ZNF654: variants seen among roughly 807,000 people sequenced by gnomAD.
ZNF654 encodes zinc finger protein 654.
In ZNF654, 19 loss-of-function variants were observed where a neutral mutation model predicts 95.3. The observed-to-expected ratio is 0.20, with a 90% CI of 0.14 to 0.29. The LOEUF is 0.29. ZNF654 is among the 10% of genes least tolerant of loss of function. ZNF654 has a pLI of 1.00. For missense variants in ZNF654, 1,046 were observed against 1,341.0 expected (o/e 0.78, Z 3.44); for synonymous variants, 413 against 457.9 (o/e 0.90, Z 1.25).
intron 3 of ZNF654, among the ~76,000 whole-genome samples, chr3:88,115,253 C>G (rs1705320599): frequency 6.6e-6 from 1 of 152,138 alleles, no homozygotes; most frequent in South Asian, 2.1e-4. Flanking sequence ...CCAAGGTATT[C>G]TTTGTTGGAT....
chr3:88,081,510 T>G (rs1708075527), intron 1 of ZNF654, among the ~76,000 whole-genome samples: 1 of 152,210 alleles, frequency 6.6e-6, no homozygotes, highest in Non-Finnish European at 1.5e-5. Flanking sequence ...CTTCTTTCAC[T>G]GTAAGAAACA....
chr3:88,127,998 T>C (rs934607398), intron 4 of ZNF654, among the ~76,000 whole-genome samples: 5 of 152,198 alleles, frequency 3.3e-5, no homozygotes, highest in Non-Finnish European at 7.3e-5. Context: ...ACTGATTAAA[T>C]ATAAGTAATT....
At chr3:88,108,372 A>G (rs903882473) in intron 2 of ZNF654, among the ~76,000 whole-genome samples, 13 of 152,134 alleles carry the variant, frequency 8.5e-5, no homozygotes, top group African/African-American at 3.1e-4. Flanking sequence ...CATTAAAGGT[A>G]CCTAGTGACT....
chr3:88,113,075 C>A, intron 2 of ZNF654, 40 bp from the exon 3 acceptor site: 2 of 1,331,666 alleles, frequency 1.5e-6, no homozygotes, highest in Non-Finnish European at 2.1e-6. Context: ...TGGAGCAAAA[C>A]TCAAAGAAGC....
At chr3:88,102,172 T>C (rs1225077049) in intron 2 of ZNF654, among the ~76,000 whole-genome samples, 1 of 152,138 alleles carries the variant, frequency 6.6e-6, no homozygotes, top group Non-Finnish European at 1.5e-5. Flanking sequence ...GTGTTTTGTG[T>C]AGTTTTCTTC....
At chr3:88,131,859 A>G (rs1317328277) in intron 6 of ZNF654, among the ~76,000 whole-genome samples, 1 of 152,004 alleles carries the variant, frequency 6.6e-6, no homozygotes, top group East Asian at 1.9e-4. Flanking sequence ...TTCAGCCTCC[A>G]AAGTCTGTGC....
rs534704935 is a variant in ZNF654 at position 88,080,976 on chromosome 3, C to T, written c.187-5281C>T. On this transcript the variant is annotated intron_variant, in intron 1 of 8. Coordinates refer to ENST00000636215, the MANE Select transcript of ZNF654 (RefSeq NM_001350134.2). ...TCTTTTCCCATTCCAGGATGTTATC[C>T]GTGATCTCACGTTGTATTTAGTTGT... 1.3e-4 allele frequency among the ~76,000 whole-genome samples: 20 copies of T among 152,224 alleles called. No individual in the cohort carries two copies. The South Asian group carries it at 2.3e-3, about 17-fold the overall frequency.
intron 1 of ZNF654, among the ~76,000 whole-genome samples, chr3:88,071,593 G>T (rs1576201370): frequency 6.6e-6 from 1 of 151,854 alleles, no homozygotes; most frequent in African/African-American, 2.4e-5. Flanking sequence ...CTGAGATCGC[G>T]CCACTGCACT....
chr3:88,106,717 A>T (rs1704762831), intron 2 of ZNF654, among the ~76,000 whole-genome samples: 1 of 151,634 alleles, frequency 6.6e-6, no homozygotes, highest in South Asian at 2.1e-4. Flanking sequence ...GTAGATTTTT[A>T]AAATGTAATT....
intron 6 of ZNF654, 80 bp from the exon 7 acceptor site, chr3:88,134,981 A>G (rs1205811111): frequency 1.9e-6 from 2 of 1,037,550 alleles, no homozygotes; most frequent in African/African-American, 1.7e-5. Flanking sequence ...CCAGGGCACT[A>G]TAGAATCAGG....
intron 2 of ZNF654, among the ~76,000 whole-genome samples, chr3:88,100,455 C>G (rs966962626): frequency 7.2e-5 from 11 of 152,168 alleles, no homozygotes; most frequent in Non-Finnish European, 1.3e-4. Flanking sequence ...CCATTTGACC[C>G]AGCCATCCCA....
At chr3:88,067,883 T>C (rs1262415334) in intron 1 of ZNF654, among the ~76,000 whole-genome samples, 5 of 151,470 alleles carry the variant, frequency 3.3e-5, no homozygotes, top group Admixed American at 3.3e-4. Flanking sequence ...TTTTCTTTTC[T>C]TTCTTTTTTT....
chr3:88,064,987 T>C (rs778278910), intron 1 of ZNF654, among the ~76,000 whole-genome samples: 36 of 152,250 alleles, frequency 2.4e-4, no homozygotes, highest in Non-Finnish European at 5.1e-4. Flanking sequence ...CTAGAAATAA[T>C]TTAATTGCAC....
At chr3:88,093,082 A>G (rs1267830831) in intron 2 of ZNF654, among the ~76,000 whole-genome samples, 1 of 152,176 alleles carries the variant, frequency 6.6e-6, no homozygotes, top group Non-Finnish European at 1.5e-5. Context: ...GAAGAAACAG[A>G]GATTTTGCTT....
At chr3:88,089,144 T>C (rs1036404061) in intron 2 of ZNF654, among the ~76,000 whole-genome samples, 7 of 151,692 alleles carry the variant, frequency 4.6e-5, no homozygotes, top group African/African-American at 1.5e-4. Context: ...TTATTTGTAT[T>C]TGAACTTTTT....
In ZNF654 at chr3:88,129,792, C is replaced by G; in HGVS notation, c.859C>G (p.Pro287Ala). ...GCAACTCTGTGAATCCTTTCTTATT[C>G]CACAGCTCCAGAATGGGGATATGTA... is the stretch of plus-strand genomic sequence containing the variant. ...ALQLCESFLI[P>A]QLQNGDMYCI... Residue 287 changes from proline to alanine, a missense_variant, in exon 6 of 9, where the codon CCA becomes GCA. By Grantham distance (27) the Pro-to-Ala change is conservative (BLOSUM62 -1). Around this residue, in one of 9 missense-constraint regions of ZNF654, gnomAD observed 121 missense variants for 141.7 expected, o/e 0.85. Coordinates refer to ENST00000636215, the MANE Select transcript of ZNF654 (RefSeq NM_001350134.2). 6.6e-7 allele frequency: 1 copy of G among 1,525,530 alleles called. No individual in the cohort carries two copies. Among genetic ancestry groups the G allele is most frequent in the East Asian group, 2.5e-5 (1 of 40,762 alleles). The allele number at this position is 1,525,530 out of a possible 1,614,324, so 94.5% of individuals were successfully genotyped here.
chr3:88,139,075 C>T lies in ZNF654; in HGVS notation c.1406C>T (p.Ser469Leu), dbSNP rs546935598. 4.0e-6 allele frequency: 5 copies of T among 1,264,082 alleles called. No homozygotes were observed. Among genetic ancestry groups the T allele is most frequent in the South Asian group, 7.1e-5 (2 of 28,124 alleles). 78.3% of individuals were successfully genotyped at this position (1,264,082 alleles called of 1,614,324 possible). A position where few individuals can be genotyped will look rare whatever the true frequency, so the allele number is the denominator to read the frequency against. ...TGTGTAGCATTATTGAGTGATAAATCAGCAGTTAGATTTCTAAATGAAAGC... is the reference window on the plus strand; with the variant it reads ...TGTGTAGCATTATTGAGTGATAAATTAGCAGTTAGATTTCTAAATGAAAGC... Reference protein sequence around the residue: ...KNCVALLSDKSAVRFLNESTL... With the variant: ...KNCVALLSDKLAVRFLNESTL... Residue 469 changes from serine (S) to leucine (L), a missense_variant, in exon 8 of 9, where the codon TCA (serine) becomes TTA (leucine). By Grantham distance (145) the Ser-to-Leu change is moderately radical. Transcript: ENST00000636215.
Position 88,140,289 on chromosome 3 carries a change from C to G in ZNF654, c.2620C>G (p.Pro874Ala). The G allele has an allele frequency of 6.2e-7, 1 of 1,613,714 alleles. No homozygotes were observed. Residue 874 changes from proline to alanine, a missense_variant, in exon 8 of 9, where the codon CCA (proline) becomes GCA (alanine). Around this residue, in one of 9 missense-constraint regions of ZNF654, gnomAD observed 495 missense variants for 537.0 expected, o/e 0.92. Coordinates refer to ENST00000636215, the MANE Select transcript of ZNF654 (RefSeq NM_001350134.2). ...HEAQHYLSKT[P>A]ESSAQPSETI... is the part of the protein sequence containing the mutation. ...AGCTCAACACTATTTAAGTAAAACACCAGAGTCATCTGCACAACCAAGTGA... is the reference window on the plus strand; with the variant it reads ...AGCTCAACACTATTTAAGTAAAACAGCAGAGTCATCTGCACAACCAAGTGA...
intron 2 of ZNF654, among the ~76,000 whole-genome samples, chr3:88,103,757 A>G (rs992849906): frequency 1.5e-4 from 20 of 137,672 alleles, no homozygotes; most frequent in African/African-American, 5.3e-4. Flanking sequence ...AAAGAGATGT[A>G]TTAACTTTTT....
Sources: gnomAD v4.1 joint callset for allele counts (sites outside exome capture counted in the v4.1 genomes callset) on GRCh38, gnomAD v4.1.1 for gene constraint, gnomAD v4.1.1 regional missense constraint, MANE v1.5 for transcripts, NCBI Gene and HGNC (gene_info 2026-07-23, HGNC 2026-07-21) for gene names.